Variants in EEPD1 observed in about 807,000 individuals in gnomAD.
The protein encoded by EEPD1 is endonuclease/exonuclease/phosphatase family domain containing 1.
In EEPD1, 17 loss-of-function variants were observed where a neutral mutation model predicts 46.3. That is an observed-to-expected ratio of 0.37 (90% CI 0.25 to 0.55). The LOEUF is 0.55. Among genes scored for constraint, EEPD1 ranks in the 20% least tolerant of loss-of-function variants. EEPD1 has a pLI of 0.83. For synonymous variants in EEPD1, 313 were observed against 315.6 expected, an observed-to-expected ratio of 0.99 and a Z score of 0.09; for missense variants, 673 against 745.6, an observed-to-expected ratio of 0.90 and a Z score of 1.13.
intron 2 of EEPD1, among the ~76,000 whole-genome samples, chr7:36,164,995 A>C (rs1210553853): frequency 6.6e-6 from 1 of 152,238 alleles, no homozygotes; most frequent in Non-Finnish European, 1.5e-5. Context: ...TTAAAAGTTT[A>C]TAAAGTCAAA....
At chr7:36,229,412 G>A (rs148602154) in intron 2 of EEPD1, 47 of 152,330 alleles carry the variant, frequency 3.1e-4, no homozygotes, top group African/African-American at 1.1e-3. Flanking sequence ...GAGAGAAAGA[G>A]AATGTGAATG....
At chr7:36,209,082 A>G (rs2115720617) in intron 2 of EEPD1, among the ~76,000 whole-genome samples, 1 of 152,300 alleles carries the variant, frequency 6.6e-6, no homozygotes, top group South Asian at 2.1e-4. Flanking sequence ...TCATCTATGA[A>G]GTGGGGGTAA....
chr7:36,295,878 A>G (rs1787516228), intron 6 of EEPD1, among the ~76,000 whole-genome samples: 1 of 152,002 alleles, frequency 6.6e-6, no homozygotes, highest in African/African-American at 2.4e-5. Flanking sequence ...TAAAAATACA[A>G]AAGTTAGCAA....
intron 3 of EEPD1, among the ~76,000 whole-genome samples, chr7:36,241,473 AAAATAAATAAAT>A (rs534305995): frequency 6.6e-6 from 1 of 151,976 alleles, no homozygotes. Context: ...ACTCTGTCTC[AAAATAAATAAAT>A]AAATAAATAA....
At chr7:36,180,958 C>T (rs1220287856) in intron 2 of EEPD1, among the ~76,000 whole-genome samples, 1 of 152,038 alleles carries the variant, frequency 6.6e-6, no homozygotes, top group Admixed American at 6.5e-5. Context: ...CCTGGACCAC[C>T]ACCCCACACT....
chr7:36,155,288 T>C (rs1174690313), intron 2 of EEPD1, 86 bp downstream of exon 2: 17 of 1,429,594 alleles, frequency 1.2e-5, no homozygotes, highest in Non-Finnish European at 1.6e-5. Flanking sequence ...TGGATTCTTT[T>C]GCGGGTAGGG....
intron 2 of EEPD1, among the ~76,000 whole-genome samples, chr7:36,168,661 G>A (rs912489614): frequency 9.0e-6 from 1 of 111,444 alleles, no homozygotes; most frequent in Non-Finnish European, 2.4e-5. Flanking sequence ...AAGAGGCTAA[G>A]GTGGGAGAAA....
At chr7:36,285,130 C>T (rs1193849566) in intron 5 of EEPD1, among the ~76,000 whole-genome samples, 2 of 152,140 alleles carry the variant, frequency 1.3e-5, no homozygotes, top group African/African-American at 2.4e-5. Flanking sequence ...GATTTTCCTA[C>T]AGTCAGGGAT....
intron 2 of EEPD1, among the ~76,000 whole-genome samples, chr7:36,235,287 T>C (rs1440994736): frequency 2.0e-5 from 3 of 152,158 alleles, no homozygotes; most frequent in Admixed American, 1.3e-4. Context: ...AAAAGCAACA[T>C]GTCAAAAAGG....
intron 2 of EEPD1, among the ~76,000 whole-genome samples, chr7:36,173,037 G>GA (rs1785116671): frequency 6.6e-6 from 1 of 151,952 alleles, no homozygotes; most frequent in Admixed American, 6.6e-5. Flanking sequence ...GGTTTGTGTG[G>GA]AAAAAACACT....
chr7:36,291,484 T>C (rs1444317753), intron 6 of EEPD1, among the ~76,000 whole-genome samples: 1 of 152,210 alleles, frequency 6.6e-6, no homozygotes, highest in Non-Finnish European at 1.5e-5. Flanking sequence ...GGGTCGTGGC[T>C]GTTAAGTGCG....
At chr7:36,184,925 T>A (rs149802209) in intron 2 of EEPD1, among the ~76,000 whole-genome samples, 155 of 152,206 alleles carry the variant, frequency 1.0e-3, no homozygotes, top group African/African-American at 3.6e-3. Flanking sequence ...GAGATAAGGT[T>A]TCACTGTGTT....
chr7:36,186,529 A>G (rs1179730367), intron 2 of EEPD1, among the ~76,000 whole-genome samples: 1 of 152,228 alleles, frequency 6.6e-6, no homozygotes, highest in Non-Finnish European at 1.5e-5. Flanking sequence ...ATGCATCGCC[A>G]CATTCTCCTA....
intron 2 of EEPD1, among the ~76,000 whole-genome samples, chr7:36,168,847 A>G (rs1398992379): frequency 6.6e-6 from 1 of 151,882 alleles, no homozygotes; most frequent in Non-Finnish European, 1.5e-5. Flanking sequence ...AACTGGGGGT[A>G]AAGGACCCTG....
At chr7:36,179,190 G>A (rs1164432541) in intron 2 of EEPD1, among the ~76,000 whole-genome samples, 2 of 152,198 alleles carry the variant, frequency 1.3e-5, no homozygotes, top group South Asian at 2.1e-4. Context: ...TACCCCCAGT[G>A]GTAACCAGCC....
At chr7:36,223,590 T>C (rs1024778676) in intron 2 of EEPD1, among the ~76,000 whole-genome samples, 3 of 152,220 alleles carry the variant, frequency 2.0e-5, no homozygotes, top group African/African-American at 7.2e-5. Context: ...AAATATTTGT[T>C]GAATAAATAA....
intron 3 of EEPD1, among the ~76,000 whole-genome samples, chr7:36,244,837 A>G (rs1368997979): frequency 1.6e-5 from 2 of 127,158 alleles, no homozygotes; most frequent in African/African-American, 6.1e-5. Context: ...CAATGGTGTG[A>G]TCTCGGCTCA....
intron 3 of EEPD1, among the ~76,000 whole-genome samples, chr7:36,253,441 T>G (rs1050876164): frequency 1.3e-5 from 2 of 152,228 alleles, no homozygotes; most frequent in African/African-American, 4.8e-5. Flanking sequence ...GAGTCTTCTG[T>G]GACTATCTGG....
In EEPD1 at chr7:36,297,174, G is replaced by A; in HGVS notation, c.1497G>A (p.Lys499=). 1 of 1,614,164 alleles carries A rather than the reference G, an allele frequency of 6.2e-7. No individual in the cohort carries two copies. Among genetic ancestry groups the A allele is most frequent in the Non-Finnish European group, 8.5e-7 (1 of 1,180,028 alleles). ...ACATCTGGATCAGTAAAAGCTTAAA[G>A]AAGGTTTTCACAGGTGAGGCAGAAC... ...LDNIWISKSL[K]KVFTGHWAVV... The change falls in exon 7 of 8, where the codon AAG becomes AAA. Residue 499 remains lysine (K), a synonymous_variant. Coordinates refer to ENST00000242108, the MANE Select transcript of EEPD1 (RefSeq NM_030636.3).
Sources: allele counts gnomAD v4.1 joint callset (sites outside exome capture counted in the v4.1 genomes callset), GRCh38; gene constraint gnomAD v4.1.1; transcripts MANE v1.5; gene names NCBI Gene and HGNC (gene_info 2026-07-23, HGNC 2026-07-21).